WDFY4: variants seen among roughly 807,000 people sequenced by gnomAD.
WDFY4 encodes the protein WD repeat- and FYVE domain-containing protein 4.
Under a neutral mutation model 351.9 loss-of-function variants are expected in WDFY4, and 169 were observed. The observed-to-expected ratio is 0.48, with a 90% confidence interval of 0.42 to 0.55. WDFY4 has a LOEUF of 0.55. Among genes scored for constraint, WDFY4 ranks in the 20% least tolerant of loss-of-function variants. The probability of loss-of-function intolerance (pLI) is 0.00; values close to 1 mark genes in which losing one functional copy is unlikely to be tolerated. For missense variants in WDFY4, 3,803 were observed against 3,935.6 expected, an observed-to-expected ratio of 0.97 and a Z score of 0.90; for synonymous variants, 1,622 against 1,574.6, an observed-to-expected ratio of 1.03 and a Z score of -0.71.
chr10:48,754,198 A>G (rs184255380), intron 12 of WDFY4, among the ~76,000 whole-genome samples: 3 of 149,698 alleles, frequency 2.0e-5, no homozygotes, highest in African/African-American at 2.4e-5. Flanking sequence ...ATGTATGTTC[A>G]TAAGGGACAT....
intron 28 of WDFY4, among the ~76,000 whole-genome samples, chr10:48,808,852 C>T (rs2067344907): frequency 6.6e-6 from 1 of 152,248 alleles, no homozygotes; most frequent in Non-Finnish European, 1.5e-5. Flanking sequence ...CGAATCCTAG[C>T]CCTGTCCCCA....
intron 13 of WDFY4, among the ~76,000 whole-genome samples, chr10:48,770,001 G>T (rs1051514967): frequency 6.6e-6 from 1 of 152,144 alleles, no homozygotes; most frequent in African/African-American, 2.4e-5. Flanking sequence ...GAAGTAATAT[G>T]CGTTAGGAAA....
intron 35 of WDFY4, chr10:48,824,071 G>C (rs1334554821): frequency 2.0e-6 from 2 of 985,322 alleles, no homozygotes; most frequent in African/African-American, 3.5e-5. Context: ...GATGTTTGGA[G>C]ATGTATGGAC....
intron 27 of WDFY4, among the ~76,000 whole-genome samples, chr10:48,807,302 A>G (rs572322949): frequency 2.6e-5 from 4 of 152,368 alleles, no homozygotes; most frequent in Admixed American, 1.3e-4. Context: ...CCTAACCAAC[A>G]TATTAAAGCA....
chr10:48,716,037 G>C (rs1409053625), intron 2 of WDFY4, among the ~76,000 whole-genome samples: 1 of 152,102 alleles, frequency 6.6e-6, no homozygotes, highest in Non-Finnish European at 1.5e-5. Flanking sequence ...CCCCATCTTG[G>C]AGTGGGACCT....
chr10:48,905,701 C>A (rs1415930332), intron 47 of WDFY4, among the ~76,000 whole-genome samples: 1 of 152,224 alleles, frequency 6.6e-6, no homozygotes, highest in Non-Finnish European at 1.5e-5. Flanking sequence ...TGCGGACACC[C>A]CGCAGAGTGC....
chr10:48,751,715 A>G (rs1259108629), intron 12 of WDFY4, among the ~76,000 whole-genome samples: 1 of 152,072 alleles, frequency 6.6e-6, no homozygotes, highest in Non-Finnish European at 1.5e-5. Context: ...TAGTAACAGG[A>G]GATAGTTATT....
At chr10:48,726,886 C>A (rs1217680229) in intron 6 of WDFY4, among the ~76,000 whole-genome samples, 1 of 152,152 alleles carries the variant, frequency 6.6e-6, no homozygotes, top group Non-Finnish European at 1.5e-5. Context: ...AATCTGAGGA[C>A]CTCTCTCTTC....
chr10:48,877,150 T>A lies in WDFY4; in HGVS notation c.7118T>A (p.Leu2373Gln). The A allele has an allele frequency of 6.4e-7, 1 of 1,551,690 alleles. No homozygotes were observed. The highest frequency in any genetic ancestry group is 1.2e-5 in the South Asian group (1 of 84,052). The change falls in exon 43 of 62, where the codon CTG becomes CAG. Residue 2373 changes from leucine (L) to glutamine (Q), a missense_variant. This residue lies in a region of WDFY4 where 3,054 missense variants were observed against 3,148.6 expected (regional missense o/e 0.97). Coordinates refer to ENST00000325239, the MANE Select transcript of WDFY4 (RefSeq NM_001394531.1). ...CTGCACTCAGAAGACTTCTTGGAAC[T>A]GTGTCGGGAAAGACAAGTTATTTTA... is the stretch of plus-strand genomic sequence containing the variant. ...ESLHSEDFLE[L>Q]CRERQVILQE...
chr10:48,906,526 C>T (rs922492135), intron 47 of WDFY4, among the ~76,000 whole-genome samples: 5 of 152,270 alleles, frequency 3.3e-5, no homozygotes, highest in South Asian at 2.1e-4. Flanking sequence ...TTCTGCAAGC[C>T]GACAGGGCCT....
chr10:48,834,628 G>A (rs1589718621), intron 39 of WDFY4, among the ~76,000 whole-genome samples: 2 of 152,346 alleles, frequency 1.3e-5, no homozygotes, highest in African/African-American at 4.8e-5. Context: ...GACAGAAGGG[G>A]CCCAGCCCCT....
intron 52 of WDFY4, among the ~76,000 whole-genome samples, chr10:48,957,981 G>C (rs1841681905): frequency 6.6e-6 from 1 of 152,216 alleles, no homozygotes. Context: ...CACCGGCCTG[G>C]CTGGGAATCA....
intron 39 of WDFY4, among the ~76,000 whole-genome samples, chr10:48,848,202 G>A (rs1211087352): frequency 1.3e-5 from 2 of 152,130 alleles, no homozygotes; most frequent in African/African-American, 4.8e-5. Context: ...TTCCTCAAGG[G>A]CAGCCAGCAT....
intron 43 of WDFY4, among the ~76,000 whole-genome samples, chr10:48,889,982 C>T (rs147096087): frequency 8.3e-4 from 126 of 152,346 alleles, no homozygotes; most frequent in Admixed American, 3.1e-3. Context: ...TCAGCTAAGG[C>T]AATTCTGGAG....
At chr10:48,863,292 C>T (rs1195995822) in intron 39 of WDFY4, among the ~76,000 whole-genome samples, 1 of 152,138 alleles carries the variant, frequency 6.6e-6, no homozygotes, top group Non-Finnish European at 1.5e-5. Context: ...AATTCTACAC[C>T]ATTTTACATT....
chr10:48,918,996 T>C (rs542139709), intron 47 of WDFY4, among the ~76,000 whole-genome samples: 1 of 152,154 alleles, frequency 6.6e-6, no homozygotes, highest in African/African-American at 2.4e-5. Flanking sequence ...TATAAAGCAC[T>C]CTACCTAGCA....
intron 39 of WDFY4, among the ~76,000 whole-genome samples, chr10:48,844,612 C>T (rs996573249): frequency 1.3e-5 from 2 of 152,050 alleles, no homozygotes; most frequent in Admixed American, 1.3e-4. Flanking sequence ...AGAAAAGCAC[C>T]GAGTCCAGCC....
At position 48,982,620 on chromosome 10, in the gene WDFY4, A is replaced by G; in HGVS notation, c.*45A>G. The G allele has an allele frequency of 6.5e-7, 1 of 1,533,688 alleles. No individual in the cohort carries two copies. The highest frequency in any genetic ancestry group is 8.8e-7 in the Non-Finnish European group (1 of 1,133,130). On this transcript the variant is annotated 3_prime_UTR_variant, in exon 62 of 62. Transcript: ENST00000325239. ...GCTCTGGCACAACAGTGCCAGGCTG[A>G]GGGTGGCAGAGGTGACTGGGGCCTG...
intron 13 of WDFY4, among the ~76,000 whole-genome samples, chr10:48,769,972 C>T (rs1364290106): frequency 3.9e-5 from 6 of 152,236 alleles, no homozygotes; most frequent in African/African-American, 1.4e-4. Context: ...ATTGCACCTC[C>T]ATCCCGTCTC....
Sources: allele counts gnomAD v4.1 joint callset (sites outside exome capture counted in the v4.1 genomes callset), GRCh38; gene constraint gnomAD v4.1.1; regional missense constraint gnomAD v4.1.1; transcripts MANE v1.5; gene names NCBI Gene and HGNC (gene_info 2026-07-23, HGNC 2026-07-21).